The following GALNT17 variants were observed in gnomAD, a reference collection of about 807,000 sequenced individuals.
GALNT17 encodes polypeptide N-acetylgalactosaminyltransferase 17, also known as UDP-GalNAc:polypeptide N-acetylgalactosaminyltransferase-like 3.
A neutral mutation model predicts 63.7 loss-of-function variants in GALNT17; 29 were observed. The ratio of observed to expected loss-of-function variants is 0.46; its 90% confidence interval spans 0.34 to 0.62. The LOEUF (loss-of-function observed/expected upper bound fraction) is 0.62. Ranked by LOEUF, GALNT17 falls within the 20% of genes least tolerant of loss-of-function variation. The pLI is 0.01. For synonymous variants in GALNT17, 305 were observed against 318.3 expected (o/e 0.96, Z 0.45); for missense variants, 603 against 799.6 (o/e 0.75, Z 2.97).
intron 5 of GALNT17, among the ~76,000 whole-genome samples, chr7:71,547,283 G>A (rs1343042415): frequency 6.6e-6 from 1 of 152,028 alleles, no homozygotes; most frequent in Non-Finnish European, 1.5e-5. Flanking sequence ...TCCTGCCTCA[G>A]CCTCCCGAGT....
chr7:71,329,927 G>A lies in GALNT17; in HGVS notation c.239-5623G>A, dbSNP rs559776337. Among the ~76,000 whole-genome samples the A allele has an allele frequency of 2.2e-5, 3 of 139,026 alleles. 1 individual carries two copies. Among genetic ancestry groups the A allele is most frequent in the African/African-American group, 7.7e-5 (3 of 38,794 alleles). 91.2% of individuals were successfully genotyped at this position (139,026 alleles called of 152,430 possible). A position where few individuals can be genotyped will look rare whatever the true frequency, so the allele number is the denominator to read the frequency against. On this transcript the variant is annotated intron_variant, in intron 1 of 10. Coordinates refer to ENST00000333538, the MANE Select transcript of GALNT17 (RefSeq NM_022479.3). ...TGTATATATATATGTATGTGTGTGTGTGTGTATATATATACACACATATGT... is the reference window on the plus strand; with the variant it reads ...TGTATATATATATGTATGTGTGTGTATGTGTATATATATACACACATATGT...
chr7:71,694,662 C>T (rs1391220227), intron 9 of GALNT17, among the ~76,000 whole-genome samples: 1 of 152,224 alleles, frequency 6.6e-6, no homozygotes, highest in Non-Finnish European at 1.5e-5. Context: ...TCCTAAAGTG[C>T]TGGGATTACA....
chr7:71,573,963 A>T (rs1167843448), intron 6 of GALNT17, among the ~76,000 whole-genome samples: 2 of 152,156 alleles, frequency 1.3e-5, no homozygotes, highest in Non-Finnish European at 2.9e-5. Flanking sequence ...TTCGATTAGG[A>T]TAATGGCCTC....
intron 1 of GALNT17, among the ~76,000 whole-genome samples, chr7:71,161,581 A>G (rs1788342786): frequency 6.6e-6 from 1 of 152,158 alleles, no homozygotes; most frequent in Admixed American, 6.5e-5. Context: ...GAGTATTTAA[A>G]CTTACAAAGT....
chr7:71,365,684 A>C (rs1792491438), intron 2 of GALNT17, among the ~76,000 whole-genome samples: 1 of 151,670 alleles, frequency 6.6e-6, no homozygotes, highest in Non-Finnish European at 1.5e-5. Flanking sequence ...TTTTTTTTTA[A>C]TTTAAAGAAA....
At position 71,427,187 on chromosome 7, in the gene GALNT17, C is replaced by A. The variant is rs183815091; in HGVS notation, c.962+6082C>A. ...CTCCACCTCCCAGGTTGAAGCGATTCTCTTGCCTCAGCCTACCAAGTAGCT... is the reference window on the plus strand; with the variant it reads ...CTCCACCTCCCAGGTTGAAGCGATTATCTTGCCTCAGCCTACCAAGTAGCT... On this transcript the variant is annotated intron_variant, in intron 5 of 10. Transcript: ENST00000333538. Among the ~76,000 whole-genome samples the A allele has an allele frequency of 2.0e-3, 298 of 150,704 alleles. 3 individuals are homozygous for A. The highest frequency in any genetic ancestry group is 7.1e-3 in the African/African-American group (291 of 41,142).
At chr7:71,548,321 G>A (rs1396609554) in intron 5 of GALNT17, among the ~76,000 whole-genome samples, 2 of 151,820 alleles carry the variant, frequency 1.3e-5, no homozygotes, top group African/African-American at 4.8e-5. Context: ...ATGCATTCCT[G>A]TCACACTGTG....
In GALNT17 at chr7:71,291,157, A is replaced by C. The variant is rs1174967763; in HGVS notation, c.239-44393A>C. 2.0e-5 allele frequency among the ~76,000 whole-genome samples: 3 copies of C among 152,344 alleles called. No homozygotes were observed. In the East Asian group the frequency reaches 5.8e-4, roughly 29 times the overall value. On this transcript the variant is annotated intron_variant, in intron 1 of 10. Coordinates refer to ENST00000333538, the MANE Select transcript of GALNT17 (RefSeq NM_022479.3). ...CCTTAATAAATTAATGTATCCATCC[A>C]GACTGAACTCCCAAATAGCCAATTT...
intron 5 of GALNT17, among the ~76,000 whole-genome samples, chr7:71,444,520 A>C (rs1231188404): frequency 6.6e-6 from 1 of 151,928 alleles, no homozygotes; most frequent in African/African-American, 2.4e-5. Context: ...TATCCAACAC[A>C]TCTCTCCCTC....
chr7:71,261,840 A>G (rs773002316), intron 1 of GALNT17, among the ~76,000 whole-genome samples: 17 of 152,146 alleles, frequency 1.1e-4, no homozygotes, highest in Non-Finnish European at 2.2e-4. Context: ...GGTGGTAGTT[A>G]CTATTATTAT....
intron 6 of GALNT17, among the ~76,000 whole-genome samples, chr7:71,624,077 G>A (rs569126190): frequency 6.6e-6 from 1 of 152,298 alleles, no homozygotes; most frequent in East Asian, 1.9e-4. Context: ...TTATGGCTTT[G>A]CGATGTCGGC....
intron 9 of GALNT17, among the ~76,000 whole-genome samples, chr7:71,693,305 C>CATATATATATATAT (rs1375479092): frequency 2.4e-5 from 3 of 126,074 alleles, no homozygotes; most frequent in African/African-American, 8.9e-5. Flanking sequence ...CACACACACA[C>CATATATATATATAT]ACACATATAT....
intron 2 of GALNT17, among the ~76,000 whole-genome samples, chr7:71,374,722 G>GGA (rs56138289): frequency 0.62 from 93,391 of 151,844 alleles, 29,544 homozygotes; most frequent in African/African-American, 0.75. Context: ...GTTCAGGATG[G>GGA]GAAGGCATTT....
intron 1 of GALNT17, among the ~76,000 whole-genome samples, chr7:71,262,297 G>T (rs557715587): frequency 2.0e-5 from 3 of 151,924 alleles, no homozygotes; most frequent in African/African-American, 7.2e-5. Context: ...TTTTTTTCTT[G>T]TAGAGGCAGA....
At chr7:71,211,222 T>A (rs930056560) in intron 1 of GALNT17, among the ~76,000 whole-genome samples, 1 of 152,192 alleles carries the variant, frequency 6.6e-6, no homozygotes, top group African/African-American at 2.4e-5. Context: ...GGGGAGGTAG[T>A]TGAATCATGG....
chr7:71,296,086 A>AT (rs978911868), intron 1 of GALNT17, among the ~76,000 whole-genome samples: 2 of 152,030 alleles, frequency 1.3e-5, no homozygotes, highest in Non-Finnish European at 2.9e-5. Flanking sequence ...CCTTTTCCTC[A>AT]TAGTTGGGGC....
intron 2 of GALNT17, among the ~76,000 whole-genome samples, chr7:71,378,312 T>C (rs1039548203): frequency 1.3e-5 from 2 of 152,156 alleles, no homozygotes; most frequent in African/African-American, 4.8e-5. Flanking sequence ...GCCTCGCACC[T>C]CTCAGTGATT....
intron 1 of GALNT17, among the ~76,000 whole-genome samples, chr7:71,217,037 C>T (rs533881829): frequency 5.3e-5 from 8 of 152,148 alleles, no homozygotes; most frequent in African/African-American, 1.4e-4. Context: ...GATCTTGGCT[C>T]ACTGCAGCCT....
At chr7:71,244,928 A>G (rs1009590524) in intron 1 of GALNT17, among the ~76,000 whole-genome samples, 1 of 151,814 alleles carries the variant, frequency 6.6e-6, no homozygotes, top group African/African-American at 2.4e-5. Flanking sequence ...CCAGCCTGGG[A>G]TACAGAGCGA....
Sources: allele counts gnomAD v4.1 joint callset (sites outside exome capture counted in the v4.1 genomes callset), GRCh38; gene constraint gnomAD v4.1.1; transcripts MANE v1.5; gene names NCBI Gene and HGNC (gene_info 2026-07-23, HGNC 2026-07-21).